The following TULP4 variants were observed in gnomAD, a reference collection of about 807,000 sequenced individuals.
TULP4 encodes the protein tubby-related protein 4.
Under a neutral mutation model 129.0 loss-of-function variants are expected in TULP4, and 16 were observed. The ratio of observed to expected loss-of-function variants is 0.12; its 90% CI spans 0.08 to 0.19. The LOEUF (loss-of-function observed/expected upper bound fraction) is 0.19, where lower values mean the gene tolerates loss of function less well. TULP4 is among the 10% of genes least tolerant of loss of function. The probability of loss-of-function intolerance (pLI) is 1.00; values close to 1 mark genes in which losing one functional copy is unlikely to be tolerated. For synonymous variants in TULP4, 998 were observed against 854.0 expected (o/e 1.17, Z -2.94); for missense variants, 1,842 against 2,059.1 (o/e 0.89, Z 2.04).
intron 3 of TULP4, among the ~76,000 whole-genome samples, chr6:158,443,466 A>C (rs1000980661): frequency 6.6e-6 from 1 of 152,162 alleles, no homozygotes; most frequent in Non-Finnish European, 1.5e-5. Flanking sequence ...CTCTACTCCT[A>C]GAAATTGATA....
At chr6:158,365,941 C>G (rs1414385807) in intron 1 of TULP4, among the ~76,000 whole-genome samples, 2 of 110,292 alleles carry the variant, frequency 1.8e-5, no homozygotes, top group Non-Finnish European at 3.5e-5. Flanking sequence ...CTCGCTCTGT[C>G]GCCCAGTCTG....
chr6:158,471,747 C>G (rs1431701147), intron 6 of TULP4, among the ~76,000 whole-genome samples: 1 of 152,008 alleles, frequency 6.6e-6, no homozygotes, highest in Non-Finnish European at 1.5e-5. Context: ...TGTTTGTGTC[C>G]CCACTGCCAG....
intron 6 of TULP4, among the ~76,000 whole-genome samples, chr6:158,472,335 C>T (rs117351573): frequency 0.018 from 2,755 of 152,166 alleles, 52 homozygotes; most frequent in Non-Finnish European, 0.021. Flanking sequence ...TATTTGAGCT[C>T]AGGAATAAGA....
chr6:158,379,260 C>T (rs1462788574), intron 1 of TULP4, among the ~76,000 whole-genome samples: 1 of 152,152 alleles, frequency 6.6e-6, no homozygotes, highest in Non-Finnish European at 1.5e-5. Context: ...GGTAGTTCTC[C>T]TCATATGAAC....
chr6:158,334,287 G>A (rs547184581), intron 1 of TULP4, among the ~76,000 whole-genome samples: 16 of 152,336 alleles, frequency 1.1e-4, no homozygotes, highest in South Asian at 8.3e-4. Flanking sequence ...AGACAGGTCT[G>A]CAGCTGGGGT....
chr6:158,352,200 A>T (rs1006066544), intron 1 of TULP4, among the ~76,000 whole-genome samples: 1 of 152,202 alleles, frequency 6.6e-6, no homozygotes, highest in Non-Finnish European at 1.5e-5. Context: ...CCAGATATCC[A>T]TTGGAAAGAC....
intron 1 of TULP4, among the ~76,000 whole-genome samples, chr6:158,269,516 G>T (rs180808229): frequency 6.6e-5 from 10 of 152,180 alleles, no homozygotes; most frequent in Admixed American, 4.6e-4. Flanking sequence ...GCAAGAATTC[G>T]TTGCCATTTG....
chr6:158,387,398 G>A (rs913888709), intron 1 of TULP4, among the ~76,000 whole-genome samples: 6 of 152,120 alleles, frequency 3.9e-5, no homozygotes, highest in Admixed American at 3.3e-4. Context: ...GGACTGTACA[G>A]TGGCTGATTA....
intron 8 of TULP4, among the ~76,000 whole-genome samples, chr6:158,487,449 A>G (rs1431287563): frequency 6.6e-6 from 1 of 152,190 alleles, no homozygotes; most frequent in Non-Finnish European, 1.5e-5. Context: ...CATCTCCCAA[A>G]AAAACCCACA....
chr6:158,378,493 G>GT (rs1777249525), intron 1 of TULP4, among the ~76,000 whole-genome samples: 1 of 101,248 alleles, frequency 9.9e-6, no homozygotes, highest in African/African-American at 4.5e-5. Context: ...TTTGGTGGGG[G>GT]TGGGGGTGGG....
At chr6:158,364,073 A>C (rs1780863670) in intron 1 of TULP4, among the ~76,000 whole-genome samples, 1 of 152,204 alleles carries the variant, frequency 6.6e-6, no homozygotes, top group Admixed American at 6.5e-5. Flanking sequence ...TGACCAAAGA[A>C]AGGTACAGTC....
intron 1 of TULP4, among the ~76,000 whole-genome samples, chr6:158,305,412 G>A (rs1779203337): frequency 6.6e-6 from 1 of 150,492 alleles, no homozygotes; most frequent in Admixed American, 6.6e-5. Flanking sequence ...TGGACATTTG[G>A]GTTGTTGCTG....
intron 2 of TULP4, among the ~76,000 whole-genome samples, chr6:158,420,492 T>G (rs971836310): frequency 6.6e-6 from 1 of 152,254 alleles, no homozygotes; most frequent in Non-Finnish European, 1.5e-5. Context: ...TTGTTTTGTT[T>G]TGTTTTCTGA....
At chr6:158,362,803 C>T (rs905500661) in intron 1 of TULP4, among the ~76,000 whole-genome samples, 14 of 152,030 alleles carry the variant, frequency 9.2e-5, no homozygotes, top group Non-Finnish European at 4.4e-5. Context: ...TGGCTGGGTG[C>T]GGTGGCTCAC....
At chr6:158,300,308 T>A (rs895073312) in intron 1 of TULP4, among the ~76,000 whole-genome samples, 2 of 152,206 alleles carry the variant, frequency 1.3e-5, no homozygotes, top group African/African-American at 2.4e-5. Flanking sequence ...TGGCTTGCCT[T>A]CATTTAGGGA....
At chr6:158,310,055 A>G (rs1057377000), upstream of TULP4, among the ~76,000 whole-genome samples, 1 of 152,144 alleles carries the variant, frequency 6.6e-6, no homozygotes, top group African/African-American at 2.4e-5. Flanking sequence ...AGCTGGAACA[A>G]CCATAATTTG....
rs1296315262 is a variant in TULP4, at chr6:158,489,790, T to C, written c.1631+58T>C. On this transcript the variant is annotated intron_variant, in intron 9 of 13. Transcript: ENST00000367097. ...TTGTGCCTCTGAATATGTGTGTTTG[T>C]GCCTGCAACAGAATCGCATTGAAAC... is the stretch of plus-strand genomic sequence containing the variant. The C allele has an allele frequency of 3.7e-6, 6 of 1,600,882 alleles. No individual in the cohort carries two copies. In the Admixed American group the frequency reaches 1.0e-4, roughly 27 times the overall value.
intron 1 of TULP4, among the ~76,000 whole-genome samples, chr6:158,374,664 C>A (rs969007376): frequency 1.2e-4 from 18 of 151,518 alleles, no homozygotes; most frequent in African/African-American, 4.1e-4. Context: ...GTATCCTTTT[C>A]CAATAGCAGT....
intron 1 of TULP4, among the ~76,000 whole-genome samples, chr6:158,376,245 A>G (rs1239089523): frequency 6.6e-6 from 1 of 152,126 alleles, no homozygotes; most frequent in Non-Finnish European, 1.5e-5. Context: ...GGAACTTGGG[A>G]GCATCCTACT....
Sources: allele counts gnomAD v4.1 joint callset (sites outside exome capture counted in the v4.1 genomes callset), GRCh38; gene constraint gnomAD v4.1.1; transcripts MANE v1.5; gene names NCBI Gene and HGNC (gene_info 2026-07-23, HGNC 2026-07-21).